Variants in PCDH11X observed in about 807,000 individuals in gnomAD.
PCDH11X encodes protocadherin-11 X-linked.
Under a neutral mutation model 53.3 loss-of-function variants are expected in PCDH11X, and 18 were observed. The observed-to-expected ratio is 0.34, with a 90% CI of 0.23 to 0.50. The LOEUF (loss-of-function observed/expected upper bound fraction) is 0.50, where lower values mean the gene tolerates loss of function less well. PCDH11X is among the 20% of genes least tolerant of loss of function. The pLI, the probability that PCDH11X is intolerant of heterozygous loss-of-function variation, is 0.98. For missense variants in PCDH11X, 570 were observed against 1,032.4 expected (o/e 0.55, Z 6.14); for synonymous variants, 279 against 393.3 (o/e 0.71, Z 3.44).
At chrX:92,517,926 T>G (rs1476142126) in intron 10 of PCDH11X, among the ~76,000 whole-genome samples, 1 of 110,908 alleles carries the variant, frequency 9.0e-6, no homozygotes, top group East Asian at 2.8e-4. Context: ...AATTGTTGAC[T>G]TCTGTGATTT....
chrX:91,896,019 T>G (rs1481789632), intron 6 of PCDH11X, among the ~76,000 whole-genome samples: 27 of 105,727 alleles, frequency 2.6e-4, no homozygotes, highest in African/African-American at 9.2e-4. Context: ...TAATAGAACT[T>G]AAATTTATGT....
At chrX:91,886,829 G>T (rs1421023701) in intron 6 of PCDH11X, among the ~76,000 whole-genome samples, 1 of 108,170 alleles carries the variant, frequency 9.2e-6, no homozygotes, top group Non-Finnish European at 1.9e-5. Flanking sequence ...AAATTAGCTG[G>T]GCGTGGTGGC....
At chrX:91,819,431 A>T (rs2524416) in intron 4 of PCDH11X, among the ~76,000 whole-genome samples, 1 of 110,885 alleles carries the variant, frequency 9.0e-6, no homozygotes, top group African/African-American at 3.3e-5. Context: ...ACAGGTGAAG[A>T]TCATGCATAA....
chrX:92,402,717 G>T (rs1479806790), intron 9 of PCDH11X, among the ~76,000 whole-genome samples: 1 of 110,752 alleles, frequency 9.0e-6, no homozygotes, highest in Admixed American at 9.7e-5. Context: ...CATAGGAACT[G>T]GCAAAGATTT....
At chrX:92,203,735 C>T (rs904389524) in intron 7 of PCDH11X, among the ~76,000 whole-genome samples, 47 of 111,756 alleles carry the variant, frequency 4.2e-4, no homozygotes, top group African/African-American at 1.5e-3. Flanking sequence ...GTGGAGAGTG[C>T]TGATTGATTG....
chrX:91,876,200 T>A (rs752775795), intron 5 of PCDH11X, among the ~76,000 whole-genome samples: 12 of 110,754 alleles, frequency 1.1e-4, no homozygotes, highest in African/African-American at 3.9e-4. Flanking sequence ...CGATGGACAT[T>A]GGGGACTTCG....
intron 6 of PCDH11X, among the ~76,000 whole-genome samples, chrX:92,068,479 A>G (rs1437597897): frequency 3.7e-5 from 4 of 108,578 alleles, no homozygotes; most frequent in Non-Finnish European, 7.6e-5. Flanking sequence ...TATAGCTTCC[A>G]CAATTCCTCT....
intron 8 of PCDH11X, among the ~76,000 whole-genome samples, chrX:92,284,599 A>G (rs1385745863): frequency 1.8e-5 from 2 of 112,481 alleles, no homozygotes; most frequent in African/African-American, 3.2e-5. Context: ...GACTGTCAGA[A>G]AACGCAGGAT....
intron 8 of PCDH11X, among the ~76,000 whole-genome samples, chrX:92,278,499 G>A (rs1159429871): frequency 9.0e-6 from 1 of 110,846 alleles, no homozygotes; most frequent in Non-Finnish European, 1.9e-5. Flanking sequence ...CGTTTTATAG[G>A]ATTTGGGAAG....
chrX:91,821,388 C>T (rs1179102855), intron 4 of PCDH11X, among the ~76,000 whole-genome samples: 1 of 109,481 alleles, frequency 9.1e-6, no homozygotes, highest in African/African-American at 3.4e-5. Context: ...AGGTCCTTCA[C>T]ATCCCTTGTA....
chrX:92,049,341 AG>A (rs916726470), intron 6 of PCDH11X, among the ~76,000 whole-genome samples: 7 of 111,436 alleles, frequency 6.3e-5, no homozygotes, highest in Non-Finnish European at 1.3e-4. Context: ...TTGGAAAGTA[AG>A]TCAGTCATGA....
chrX:91,830,672 C>A (rs1204620205), intron 4 of PCDH11X, among the ~76,000 whole-genome samples: 2 of 111,210 alleles, frequency 1.8e-5, no homozygotes, highest in Non-Finnish European at 3.8e-5. Flanking sequence ...AAGAACACAA[C>A]AGTAGTGACC....
chrX:92,148,126 CTTTCTTT>C (rs2065352089), intron 6 of PCDH11X, among the ~76,000 whole-genome samples: 16 of 8,557 alleles, frequency 1.9e-3, no homozygotes, highest in East Asian at 0.013. Flanking sequence ...TTCTTTCTTT[CTTTCTTT>C]TTCCTTCCTT....
At chrX:92,226,626 G>T (rs2066976295) in intron 7 of PCDH11X, among the ~76,000 whole-genome samples, 1 of 111,497 alleles carries the variant, frequency 9.0e-6, no homozygotes, top group Non-Finnish European at 1.9e-5. Flanking sequence ...ATATTTTTAG[G>T]TTTAATGACT....
At chrX:92,025,248 A>G (rs1256900976) in intron 6 of PCDH11X, among the ~76,000 whole-genome samples, 2 of 109,881 alleles carry the variant, frequency 1.8e-5, no homozygotes, top group Non-Finnish European at 3.8e-5. Context: ...TCTAATATCC[A>G]GAATCTGCAA....
chrX:91,813,110 T>G (rs1417344097), intron 4 of PCDH11X, among the ~76,000 whole-genome samples: 1 of 111,551 alleles, frequency 9.0e-6, no homozygotes, highest in Non-Finnish European at 1.9e-5. Context: ...TGAAAATTTC[T>G]TATTCAACAA....
At chrX:92,588,855 G>A (rs78307507) in intron 10 of PCDH11X, among the ~76,000 whole-genome samples, 2,189 of 109,987 alleles carry the variant, frequency 0.02, 64 homozygotes, top group African/African-American at 0.068. Context: ...CAAAGAAGAC[G>A]ACCTCAAGGC....
In PCDH11X at chrX:92,606,619, G is replaced by A. The variant is rs1009925194; in HGVS notation, c.3368-11645G>A. 1.1e-3 allele frequency among the ~76,000 whole-genome samples: 125 copies of A among 109,588 alleles called. 1 individual carries two copies. The highest frequency in any genetic ancestry group is 2.1e-3 in the Non-Finnish European group (110 of 52,632). On this transcript the variant is annotated intron_variant, in intron 10 of 10. Coordinates refer to ENST00000682573, the MANE Select transcript of PCDH11X (RefSeq NM_032968.5). ...CCTTTATGACTTTGCATTAAGCAAA[G>A]TTTTCTTAGATCTGACACTAAAAGT...
intron 10 of PCDH11X, among the ~76,000 whole-genome samples, chrX:92,576,772 A>G (rs1312599636): frequency 9.2e-6 from 1 of 108,680 alleles, no homozygotes; most frequent in African/African-American, 3.3e-5. Flanking sequence ...TGTACTGTCT[A>G]TGTCTTGAAA....
Sources: allele counts gnomAD v4.1 joint callset (sites outside exome capture counted in the v4.1 genomes callset), GRCh38; gene constraint gnomAD v4.1.1; transcripts MANE v1.5; gene names NCBI Gene and HGNC (gene_info 2026-07-23, HGNC 2026-07-21).